The following ADARB2 variants were observed in gnomAD, a reference collection of about 807,000 sequenced individuals.
ADARB2 encodes the protein adenosine deaminase RNA specific B2 (inactive), also known as inactive double-stranded RNA-specific editase B2.
In ADARB2, 25 loss-of-function variants were observed where a neutral mutation model predicts 62.2. The ratio of observed to expected loss-of-function variants is 0.40; its 90% CI spans 0.29 to 0.56. The LOEUF is 0.56. Among genes scored for constraint, ADARB2 ranks in the 20% least tolerant of loss-of-function variants. The pLI, the probability that ADARB2 is intolerant of heterozygous loss-of-function variation, is 0.43. For missense variants in ADARB2, 1,071 were observed against 1,077.4 expected (o/e 0.99, Z 0.08); for synonymous variants, 572 against 500.8 (o/e 1.14, Z -1.90).
intron 5 of ADARB2, among the ~76,000 whole-genome samples, chr10:1,241,808 G>C (rs1830927231): frequency 6.6e-6 from 1 of 152,244 alleles, no homozygotes; most frequent in Non-Finnish European, 1.5e-5. Context: ...AAAGGGGGCA[G>C]TGCAGGAATG....
At chr10:1,351,130 T>G (rs1215760854) in intron 3 of ADARB2, among the ~76,000 whole-genome samples, 3 of 152,118 alleles carry the variant, frequency 2.0e-5, no homozygotes, top group Non-Finnish European at 2.9e-5. Flanking sequence ...ACTGTTCAAC[T>G]CACCTGGCTG....
intron 1 of ADARB2, among the ~76,000 whole-genome samples, chr10:1,689,312 T>G (rs1834638016): frequency 6.6e-6 from 1 of 152,176 alleles, no homozygotes; most frequent in African/African-American, 2.4e-5. Flanking sequence ...GTAGGTGAGT[T>G]ACCTGCACAG....
At chr10:1,451,718 A>AG (rs1831042148) in intron 1 of ADARB2, among the ~76,000 whole-genome samples, 1 of 148,256 alleles carries the variant, frequency 6.7e-6, no homozygotes, top group Non-Finnish European at 1.5e-5. Flanking sequence ...ATGAGGAGGG[A>AG]CACACCCATA....
At position 1,181,252 on chromosome 10, in the gene ADARB2, C is replaced by G. The variant is rs1836671946; in HGVS notation, c.*1941G>C. 7.1e-6 allele frequency: 1 copy of G among 141,048 alleles called. No individual in the cohort carries two copies. Among genetic ancestry groups the G allele is most frequent in the Admixed American group, 7.4e-5 (1 of 13,522 alleles). 8.7% of individuals were successfully genotyped at this position (141,048 alleles called of 1,614,324 possible). On this transcript the variant is annotated 3_prime_UTR_variant, in exon 10 of 10. Coordinates refer to ENST00000381312, the MANE Select transcript of ADARB2 (RefSeq NM_018702.4). ...CTGACTGCTGCGAATGTCTGAGCCA[C>G]CCATCACCTCTCGACTCTAAGTTCT... is the stretch of plus-strand genomic sequence containing the variant.
chr10:1,626,607 A>G (rs1359162059), intron 1 of ADARB2, among the ~76,000 whole-genome samples: 1 of 151,024 alleles, frequency 6.6e-6, no homozygotes, highest in African/African-American at 2.4e-5. Context: ...CTCCTCTCAA[A>G]CTCCCACGAC....
At chr10:1,273,790 G>A (rs1283088051) in intron 3 of ADARB2, among the ~76,000 whole-genome samples, 1 of 152,210 alleles carries the variant, frequency 6.6e-6, no homozygotes, top group Non-Finnish European at 1.5e-5. Flanking sequence ...GGCTCCTGCA[G>A]GGCGTGTGCT....
intron 3 of ADARB2, among the ~76,000 whole-genome samples, chr10:1,334,257 C>T (rs1052750436): frequency 6.6e-6 from 1 of 152,098 alleles, no homozygotes; most frequent in Non-Finnish European, 1.5e-5. Context: ...TAATGACATT[C>T]GTATGGAAGA....
chr10:1,656,382 G>T (rs1313785798), intron 1 of ADARB2, among the ~76,000 whole-genome samples: 1 of 152,164 alleles, frequency 6.6e-6, no homozygotes, highest in Non-Finnish European at 1.5e-5. Flanking sequence ...CTTCTGCCAT[G>T]ACTCCTAGCC....
At chr10:1,309,277 T>G (rs1482218705) in intron 3 of ADARB2, among the ~76,000 whole-genome samples, 1 of 152,186 alleles carries the variant, frequency 6.6e-6, no homozygotes, top group Non-Finnish European at 1.5e-5. Context: ...TGCTGGACAG[T>G]GTAAGATTGC....
At chr10:1,416,236 C>T (rs781494991) in intron 1 of ADARB2, among the ~76,000 whole-genome samples, 1 of 152,196 alleles carries the variant, frequency 6.6e-6, no homozygotes, top group Non-Finnish European at 1.5e-5. Context: ...CACACATGTA[C>T]ATTTGCATGT....
chr10:1,313,452 CCCATT>C (rs1831709994), intron 3 of ADARB2, among the ~76,000 whole-genome samples: 3 of 152,322 alleles, frequency 2.0e-5, no homozygotes, highest in Admixed American at 2.0e-4. Flanking sequence ...ACTGGGACTG[CCCATT>C]CCAAAATGTG....
intron 2 of ADARB2, among the ~76,000 whole-genome samples, chr10:1,364,900 TCTCA>T: frequency 6.7e-6 from 1 of 148,562 alleles, no homozygotes; most frequent in African/African-American, 2.5e-5. Flanking sequence ...TGCGACGGAA[TCTCA>T]CTCTGTTGCC....
chr10:1,674,658 C>T (rs572044747), intron 1 of ADARB2, among the ~76,000 whole-genome samples: 5 of 152,276 alleles, frequency 3.3e-5, no homozygotes, highest in South Asian at 2.1e-4. Flanking sequence ...TTTAGATCAC[C>T]GTGTGATGCA....
chr10:1,340,136 AGT>A (rs1319362675), intron 3 of ADARB2, among the ~76,000 whole-genome samples: 1 of 149,026 alleles, frequency 6.7e-6, no homozygotes, highest in African/African-American at 2.5e-5. Flanking sequence ...CGCGCCCCAC[AGT>A]GGCAATAACC....
At chr10:1,591,024 G>T (rs1833245177) in intron 1 of ADARB2, among the ~76,000 whole-genome samples, 1 of 152,240 alleles carries the variant, frequency 6.6e-6, no homozygotes, top group Non-Finnish European at 1.5e-5. Context: ...CCGCAAACAG[G>T]TGCAATTTCT....
At chr10:1,433,037 C>A (rs1265527070) in intron 1 of ADARB2, among the ~76,000 whole-genome samples, 2 of 152,254 alleles carry the variant, frequency 1.3e-5, no homozygotes, top group African/African-American at 4.8e-5. Context: ...CCAAAAAAAT[C>A]TCCCATTTTC....
intron 1 of ADARB2, among the ~76,000 whole-genome samples, chr10:1,536,104 T>C (rs1200786718): frequency 1.3e-5 from 2 of 151,962 alleles, no homozygotes; most frequent in East Asian, 3.9e-4. Context: ...GCAGGGTGGG[T>C]CCAACCCTGT....
chr10:1,242,495 C>T (rs539848870), intron 4 of ADARB2, among the ~76,000 whole-genome samples, 196 bp from the exon 5 acceptor site: 2 of 152,364 alleles, frequency 1.3e-5, no homozygotes, highest in South Asian at 4.1e-4. Context: ...GGATTCCCAT[C>T]TACTTCATGG....
At chr10:1,663,025 C>T (rs951846692) in intron 1 of ADARB2, among the ~76,000 whole-genome samples, 2 of 152,180 alleles carry the variant, frequency 1.3e-5, no homozygotes, top group Admixed American at 1.3e-4. Context: ...AATTTAAGTC[C>T]AGTGGATGTG....
Sources: allele counts gnomAD v4.1 joint callset (sites outside exome capture counted in the v4.1 genomes callset), GRCh38; gene constraint gnomAD v4.1.1; transcripts MANE v1.5; gene names NCBI Gene and HGNC (gene_info 2026-07-23, HGNC 2026-07-21).